Variants in A2ML1 observed in about 807,000 individuals in gnomAD.
A2ML1 encodes alpha-2-macroglobulin like 1, also known as alpha-2-macroglobulin-like protein 1.
A2ML1 carries 161 observed loss-of-function variants against 181.9 expected under a neutral mutation model. The ratio of observed to expected loss-of-function variants is 0.89; its 90% CI spans 0.78 to 1.01. A2ML1 has a LOEUF of 1.01. Ranked by LOEUF, A2ML1 falls within the 50% of genes least tolerant of loss-of-function variation. The probability of loss-of-function intolerance (pLI) is 0.00; values close to 1 mark genes in which losing one functional copy is unlikely to be tolerated. For synonymous variants in A2ML1, 663 were observed against 666.8 expected (o/e 0.99, Z 0.09); for missense variants, 1,670 against 1,768.1 (o/e 0.94, Z 1.00).
intron 28 of A2ML1, among the ~76,000 whole-genome samples, chr12:8,861,816 A>G (rs1273607276): frequency 1.3e-5 from 2 of 148,378 alleles, no homozygotes; most frequent in African/African-American, 2.5e-5. Context: ...CTGGAGTGCA[A>G]TGGCGTGATC....
At position 8,857,949 on chromosome 12, in the gene A2ML1, G is replaced by C; in HGVS notation, c.3111G>C (p.Leu1037=). Residue 1037 remains leucine, a synonymous_variant, in exon 26 of 36, where the codon CTG becomes CTC. Transcript: ENST00000299698. ...GERDGNGNTW[L]TAFVTKCFGQ... The stretch of plus-strand genomic sequence containing the variant: ...ATTTTCCTCTTTACCCATGTAGGCT[G>C]ACAGCGTTTGTCACAAAATGCTTTG... 1.2e-6 allele frequency: 2 copies of C among 1,613,976 alleles called. No individual in the cohort carries two copies. Among genetic ancestry groups the C allele is most frequent in the Non-Finnish European group, 1.7e-6 (2 of 1,179,958 alleles).
At chr12:8,886,614 T>C (rs1453101313) in exon 8 of A2ML1, 2 of 152,178 alleles carry the variant, frequency 1.3e-5, no homozygotes, top group African/African-American at 4.8e-5. Context: ...GACAGAAGCA[T>C]TTATTCCTTC....
intron 5 of A2ML1, chr12:8,835,007 G>A (rs1023556779): frequency 2.7e-6 from 1 of 364,926 alleles, no homozygotes; most frequent in Non-Finnish European, 4.9e-6. Flanking sequence ...AATAGCCCTT[G>A]CCATAGGCAT....
intron 29 of A2ML1, among the ~76,000 whole-genome samples, chr12:8,866,657 A>G (rs991187799): frequency 7.9e-5 from 12 of 152,138 alleles, no homozygotes; most frequent in Non-Finnish European, 1.5e-4. Flanking sequence ...TTCAAGCAGT[A>G]AAAAACCTCC....
chr12:8,868,770 A>G (rs1944520420), intron 32 of A2ML1, 143 bp downstream of exon 32: 2 of 650,862 alleles, frequency 3.1e-6, no homozygotes, highest in Non-Finnish European at 5.3e-6. Context: ...ATGTATGTAT[A>G]TGTATGTACA....
intron 3 of A2ML1, among the ~76,000 whole-genome samples, chr12:8,828,611 G>A (rs745387758): frequency 4.6e-5 from 7 of 152,118 alleles, no homozygotes; most frequent in Admixed American, 2.0e-4. Flanking sequence ...GGCTGAGCTG[G>A]TACCTAAGCT....
At position 8,860,966 on chromosome 12, in the gene A2ML1, C is replaced by T. The variant is rs776733577; in HGVS notation, c.3339+11C>T. The stretch of plus-strand genomic sequence containing the variant: ...GGAAAGGATGTAGATGTAAGTTCTC[C>T]TGGCTCCTGCTCTTGATACCCTCCT... On this transcript the variant is annotated intron_variant, in intron 27 of 35. Coordinates refer to ENST00000299698, the MANE Select transcript of A2ML1 (RefSeq NM_144670.6). The T allele has an allele frequency of 6.2e-7, 1 of 1,614,074 alleles. No homozygotes were observed. The highest frequency in any genetic ancestry group is 1.7e-5 in the Admixed American group (1 of 60,012).
downstream of A2ML1, among the ~76,000 whole-genome samples, chr12:8,879,592 C>T (rs1461472861): frequency 2.6e-5 from 4 of 152,076 alleles, no homozygotes; most frequent in East Asian, 5.8e-4. Context: ...CCAGAGCATC[C>T]CCTCTTTTGG....
At chr12:8,824,313 A>G (rs1942857217) in intron 3 of A2ML1, among the ~76,000 whole-genome samples, 1 of 150,208 alleles carries the variant, frequency 6.7e-6, no homozygotes, top group South Asian at 2.1e-4. Flanking sequence ...GGCACCCTGA[A>G]AAGAAACTAT....
chr12:8,852,383 G>A lies in A2ML1; in HGVS notation c.2590+47G>A. ...CGGGCGAGGAAAGCCAGCAGCAGAA[G>A]ACCAGTGACTGAGCACTCAGTCTTT... On this transcript the variant is annotated intron_variant, in intron 20 of 35. Transcript: ENST00000299698. This position sits in a 1 kb window ranked among gnomAD's most constrained non-coding sequence, Gnocchi z 4.2. 1.2e-6 allele frequency: 2 copies of A among 1,610,272 alleles called. No homozygotes were observed. The highest frequency in any genetic ancestry group is 1.7e-6 in the Non-Finnish European group (2 of 1,177,842).
intron 12 of A2ML1, chr12:8,844,822 G>T (rs888773776): frequency 4.5e-5 from 11 of 243,182 alleles, no homozygotes; most frequent in Non-Finnish European, 6.0e-5. Flanking sequence ...GGACAAAAGT[G>T]AAGTTAGGGC....
At chr12:8,879,022 G>C (rs1259550683), downstream of A2ML1, among the ~76,000 whole-genome samples, 1 of 151,994 alleles carries the variant, frequency 6.6e-6, no homozygotes, top group African/African-American at 2.4e-5. Flanking sequence ...ATTCCCCCAA[G>C]CCCAGGGTCA....
intron 18 of A2ML1, among the ~76,000 whole-genome samples, chr12:8,850,701 G>T (rs193279632): frequency 1.3e-4 from 20 of 152,258 alleles, no homozygotes; most frequent in Non-Finnish European, 2.2e-4. Flanking sequence ...AAGAAAGCTT[G>T]ATGGGGTGTG....
At chr12:8,845,873 AT>A (rs1565475779) in intron 13 of A2ML1, among the ~76,000 whole-genome samples, 1,451 of 104,882 alleles carry the variant, frequency 0.014, 83 homozygotes, top group African/African-American at 0.062. Context: ...AATAAATAAA[AT>A]AAAATAAAAT....
In A2ML1 at chr12:8,824,222, G is replaced by GTTTTTTTT. The variant is rs34400836; in HGVS notation, c.409+360_409+367dup. ...AGGGCATTTGGCTTGAGCTACTGGG[G>GTTTTTTTT]TTTTTTTTTTTTTTTTTTTTTTTTT... On this transcript the variant is annotated intron_variant, in intron 3 of 35. Coordinates refer to ENST00000299698, the MANE Select transcript of A2ML1 (RefSeq NM_144670.6). 2.1e-3 allele frequency among the ~76,000 whole-genome samples: 191 copies of GTTTTTTTT among 92,282 alleles called. No homozygotes were observed. In the Middle Eastern group the frequency reaches 0.022, roughly 11 times the overall value. 60.5% of individuals were successfully genotyped at this position (92,282 alleles called of 152,430 possible). A position where few individuals can be genotyped will look rare whatever the true frequency, so the allele number is the denominator to read the frequency against.
intron 33 of A2ML1, among the ~76,000 whole-genome samples, chr12:8,873,478 C>G (rs947190493): frequency 6.6e-6 from 1 of 152,108 alleles, no homozygotes; most frequent in African/African-American, 2.4e-5. Context: ...ATGCCAGTCA[C>G]TTTTCTAAGT....
At chr12:8,845,089 G>A in intron 12 of A2ML1, 5 of 1,446,288 alleles carry the variant, frequency 3.5e-6, no homozygotes, top group Non-Finnish European at 3.6e-6. Flanking sequence ...CACTTATGAG[G>A]ATAGATTTTC....
downstream of A2ML1, among the ~76,000 whole-genome samples, chr12:8,881,769 T>C (rs1480741208): frequency 6.6e-6 from 1 of 152,178 alleles, no homozygotes; most frequent in South Asian, 2.1e-4. Flanking sequence ...CACAGCACTT[T>C]GGGAGGCCGA....
intron 12 of A2ML1, 61 bp from the exon 13 acceptor site, chr12:8,845,381 T>G: frequency 6.4e-7 from 1 of 1,570,846 alleles, no homozygotes; most frequent in African/African-American, 1.3e-5. Flanking sequence ...GCTCTGGAAG[T>G]TGGTCCAAGG....
Sources: gnomAD v4.1 joint callset for allele counts (sites outside exome capture counted in the v4.1 genomes callset) on GRCh38, gnomAD v4.1.1 for gene constraint, Gnocchi (gnomAD v3.1) non-coding constraint, MANE v1.5 for transcripts, NCBI Gene and HGNC (gene_info 2026-07-23, HGNC 2026-07-21) for gene names.